The following SBF2 variants were observed in gnomAD, a reference collection of about 807,000 sequenced individuals.
The protein encoded by SBF2 is myotubularin-related protein 13.
A neutral mutation model predicts 225.2 loss-of-function variants in SBF2; 112 were observed. The observed-to-expected ratio is 0.50, with a 90% CI of 0.43 to 0.58. The LOEUF (loss-of-function observed/expected upper bound fraction) is 0.58, where lower values mean the gene tolerates loss of function less well. Ranked by LOEUF, SBF2 falls within the 20% of genes least tolerant of loss-of-function variation. The pLI, the probability that SBF2 is intolerant of heterozygous loss-of-function variation, is 0.00. For missense variants in SBF2, 1,996 were observed against 2,206.2 expected, an observed-to-expected ratio of 0.90 and a Z score of 1.91; for synonymous variants, 763 against 773.3, an observed-to-expected ratio of 0.99 and a Z score of 0.22.
chr11:10,150,402 T>C (rs1955118994), intron 2 of SBF2, among the ~76,000 whole-genome samples: 1 of 152,132 alleles, frequency 6.6e-6, no homozygotes, highest in South Asian at 2.1e-4. Context: ...TTTTCATTCC[T>C]GACCAAATGT....
At chr11:10,159,246 A>C (rs1249853735) in intron 2 of SBF2, among the ~76,000 whole-genome samples, 3 of 152,202 alleles carry the variant, frequency 2.0e-5, no homozygotes, top group East Asian at 3.9e-4. Context: ...ATAGTTTAAA[A>C]AAAGATGGTA....
intron 1 of SBF2, among the ~76,000 whole-genome samples, chr11:10,229,780 G>A (rs564261200): frequency 1.3e-5 from 2 of 152,324 alleles, no homozygotes; most frequent in Admixed American, 1.3e-4. Flanking sequence ...TGAAAAAAAT[G>A]TATATTCTGT....
chr11:10,242,005 C>T (rs889835852), intron 1 of SBF2, among the ~76,000 whole-genome samples: 1 of 151,154 alleles, frequency 6.6e-6, no homozygotes, highest in Admixed American at 6.6e-5. Flanking sequence ...CCCACTTGCC[C>T]ACAGACCCTA....
intron 1 of SBF2, among the ~76,000 whole-genome samples, chr11:10,267,761 A>G (rs1270426125): frequency 1.3e-5 from 2 of 152,152 alleles, no homozygotes; most frequent in Admixed American, 6.5e-5. Context: ...TCAAACACAC[A>G]ATCTGAACAG....
chr11:10,287,628 A>C (rs1385781211), intron 1 of SBF2, among the ~76,000 whole-genome samples: 1 of 152,238 alleles, frequency 6.6e-6, no homozygotes, highest in Admixed American at 6.5e-5. Context: ...TGTATTTGTC[A>C]AAACTCACTG....
At chr11:9,930,739 G>C (rs1041930069) in intron 16 of SBF2, among the ~76,000 whole-genome samples, 1 of 152,220 alleles carries the variant, frequency 6.6e-6, no homozygotes, top group Non-Finnish European at 1.5e-5. Flanking sequence ...TCATCTCATT[G>C]GGACTGGTTG....
intron 28 of SBF2, among the ~76,000 whole-genome samples, chr11:9,821,208 T>C (rs1023549238): frequency 6.6e-6 from 1 of 152,216 alleles, no homozygotes. Flanking sequence ...CTCGTATCCA[T>C]GCTGAGAGCC....
intron 16 of SBF2, among the ~76,000 whole-genome samples, chr11:9,942,901 GAGAAAGAAAGAAAGAAAGAA>G (rs1183181431): frequency 3.0e-5 from 3 of 101,312 alleles, no homozygotes; most frequent in Non-Finnish European, 6.5e-5. Context: ...AAGAGAGAGA[GAGAAAGAAAGAAAGAAAGAA>G]AGAAAGAAAG....
intron 1 of SBF2, among the ~76,000 whole-genome samples, chr11:10,263,428 T>C (rs894834685): frequency 6.6e-6 from 1 of 152,102 alleles, no homozygotes; most frequent in Non-Finnish European, 1.5e-5. Flanking sequence ...CTTCCATGTA[T>C]GAATGATCAA....
At chr11:9,965,970 C>A (rs961448066) in intron 14 of SBF2, among the ~76,000 whole-genome samples, 2 of 152,144 alleles carry the variant, frequency 1.3e-5, no homozygotes, top group Non-Finnish European at 2.9e-5. Context: ...TAATAACACA[C>A]TTTATTGAGA....
chr11:9,875,206 A>C (rs1043406177), intron 17 of SBF2, among the ~76,000 whole-genome samples: 2 of 152,254 alleles, frequency 1.3e-5, no homozygotes, highest in Admixed American at 6.5e-5. Flanking sequence ...AGAATTCTAG[A>C]AAATGAGTAA....
intron 2 of SBF2, among the ~76,000 whole-genome samples, chr11:10,164,327 T>C (rs376238306): frequency 2.0e-5 from 3 of 152,306 alleles, no homozygotes; most frequent in Admixed American, 6.5e-5. Context: ...AAAATTCACT[T>C]TATTAATTTC....
chr11:9,880,693 G>A (rs1200726181), intron 17 of SBF2, among the ~76,000 whole-genome samples: 2 of 152,100 alleles, frequency 1.3e-5, no homozygotes, highest in Non-Finnish European at 2.9e-5. Context: ...ATGGTATTAC[G>A]TACTCCTTAG....
intron 1 of SBF2, among the ~76,000 whole-genome samples, chr11:10,252,811 ACT>A (rs1217630737): frequency 7.0e-6 from 1 of 142,298 alleles, no homozygotes; most frequent in African/African-American, 2.6e-5. Context: ...AAAATGCGAG[ACT>A]CTGTCTCAAA....
intron 2 of SBF2, among the ~76,000 whole-genome samples, chr11:10,158,881 A>C (rs556288252): frequency 6.0e-4 from 91 of 152,330 alleles, no homozygotes; most frequent in Non-Finnish European, 1.2e-3. Flanking sequence ...CCACATTAAC[A>C]GAATCAGTAT....
chr11:10,250,495 T>C (rs764052286), intron 1 of SBF2, among the ~76,000 whole-genome samples: 1 of 152,216 alleles, frequency 6.6e-6, no homozygotes, highest in Non-Finnish European at 1.5e-5. Flanking sequence ...GACTTATAAA[T>C]TGTGAAAATT....
At chr11:9,992,293 T>C (rs1947473943) in intron 12 of SBF2, 122 bp downstream of exon 12, 9 of 728,066 alleles carry the variant, frequency 1.2e-5, no homozygotes, top group Non-Finnish European at 1.9e-5. Context: ...ATAAATAACA[T>C]TGGGATTATT....
chr11:10,039,079 G>A (rs1949554078), intron 3 of SBF2, among the ~76,000 whole-genome samples: 1 of 151,748 alleles, frequency 6.6e-6, no homozygotes, highest in South Asian at 2.1e-4. Flanking sequence ...CTGTATCTTG[G>A]AAAGATAACA....
chr11:10,084,276 AC>A (rs1951472888), intron 2 of SBF2, among the ~76,000 whole-genome samples: 1 of 152,220 alleles, frequency 6.6e-6, no homozygotes, highest in East Asian at 1.9e-4. Flanking sequence ...AAAGACATGA[AC>A]AGGCATTATT....
Sources: allele counts gnomAD v4.1 joint callset (sites outside exome capture counted in the v4.1 genomes callset), GRCh38; gene constraint gnomAD v4.1.1; transcripts MANE v1.5; gene names NCBI Gene and HGNC (gene_info 2026-07-23, HGNC 2026-07-21).